The following RAB20 variants were observed in gnomAD, a reference collection of about 807,000 sequenced individuals.
RAB20 encodes RAB20, member RAS oncogene family.
In RAB20, 2 loss-of-function variants were observed where a neutral mutation model predicts 3.7. The ratio of observed to expected loss-of-function variants is 0.54; its 90% CI spans 0.22 to 1.69. The LOEUF (loss-of-function observed/expected upper bound fraction) is 1.69, where lower values mean the gene tolerates loss of function less well. RAB20 is among the 40% of genes most tolerant of loss of function. The pLI, the probability that RAB20 is intolerant of heterozygous loss-of-function variation, is 0.19. For synonymous variants in RAB20, 126 were observed against 130.8 expected, an observed-to-expected ratio of 0.96 and a Z score of 0.25; for missense variants, 276 against 311.9, an observed-to-expected ratio of 0.88 and a Z score of 0.87.
At chr13:110,552,676 G>A (rs538796249) in intron 1 of RAB20, among the ~76,000 whole-genome samples, 2 of 143,860 alleles carry the variant, frequency 1.4e-5, no homozygotes, top group African/African-American at 2.9e-5. Context: ...CTGGGGGACA[G>A]AGTGAGACTC....
Position 110,561,153 on chromosome 13 carries a change from C to T in RAB20, c.172+195G>A, listed in dbSNP as rs539579616. Reference sequence around the variant, plus strand: ...GGGTTCTCTGCAACTTGGGTTGTCCCTGAGGTCACTGAGTGGCTGAGAGGC... The same window carrying T: ...GGGTTCTCTGCAACTTGGGTTGTCCTTGAGGTCACTGAGTGGCTGAGAGGC... On this transcript the variant is annotated intron_variant, in intron 1 of 1. Transcript: ENST00000267328. Among the ~76,000 whole-genome samples, 16 of 152,308 alleles carry T rather than the reference C, an allele frequency of 1.1e-4. No homozygotes were observed. The East Asian group carries it at 1.7e-3, about 17-fold the overall frequency.
Position 110,555,635 on chromosome 13 carries a change from G to C in RAB20, c.172+5713C>G, listed in dbSNP as rs889353823. On this transcript the variant is annotated intron_variant, in intron 1 of 1. Transcript: ENST00000267328. This position sits in a 1 kb window ranked among gnomAD's most constrained non-coding sequence, Gnocchi z 4.0. ...CTGTTTCCTCGCAGCTTGGGCAGAG[G>C]ACGCCACGGAAGCGCAAACGTGAAT... Among the ~76,000 whole-genome samples the C allele has an allele frequency of 6.6e-6, 1 of 152,222 alleles. No individual in the cohort carries two copies. Among genetic ancestry groups the C allele is most frequent in the Non-Finnish European group, 1.5e-5 (1 of 68,042 alleles).
intron 1 of RAB20, among the ~76,000 whole-genome samples, chr13:110,539,078 G>A (rs184412630): frequency 1.3e-5 from 2 of 152,284 alleles, no homozygotes; most frequent in East Asian, 1.9e-4. Context: ...GAAAGGAGGC[G>A]ATTAGGTGAC....
At chr13:110,553,332 C>T (rs1050000278) in intron 1 of RAB20, among the ~76,000 whole-genome samples, 2 of 152,248 alleles carry the variant, frequency 1.3e-5, no homozygotes, top group African/African-American at 4.8e-5. Context: ...AACTTGAGAG[C>T]TGCTTGTTGA....
chr13:110,536,783 AT>A (rs35700829), intron 1 of RAB20, among the ~76,000 whole-genome samples: 116,790 of 128,626 alleles, frequency 0.91, 53,091 homozygotes, highest in South Asian at 0.95. Flanking sequence ...TTTAATGGGA[AT>A]TTTTTTTTTA....
At chr13:110,531,624 T>C (rs1884542614) in intron 1 of RAB20, among the ~76,000 whole-genome samples, 1 of 152,204 alleles carries the variant, frequency 6.6e-6, no homozygotes, top group South Asian at 2.1e-4. Context: ...CCCAGCACAT[T>C]AGGCCCTGTA....
intron 1 of RAB20, among the ~76,000 whole-genome samples, chr13:110,544,653 C>T (rs912656480): frequency 5.3e-5 from 8 of 152,168 alleles, no homozygotes; most frequent in African/African-American, 9.7e-5. Flanking sequence ...AGACGTGTGG[C>T]GCAGACAGAC....
At chr13:110,531,644 C>T (rs955807647) in intron 1 of RAB20, among the ~76,000 whole-genome samples, 19 of 152,194 alleles carry the variant, frequency 1.2e-4, no homozygotes, top group African/African-American at 4.6e-4. Context: ...AATAGAAGTG[C>T]TTGTTCCATA....
intron 1 of RAB20, among the ~76,000 whole-genome samples, chr13:110,548,544 C>T (rs76012374): frequency 1.2e-3 from 171 of 143,300 alleles, no homozygotes; most frequent in Middle Eastern, 3.6e-3. Flanking sequence ...AATTCAGTCT[C>T]ACCTGCCTCC....
intron 1 of RAB20, among the ~76,000 whole-genome samples, chr13:110,546,176 T>C (rs1884846570): frequency 6.6e-6 from 1 of 152,178 alleles, no homozygotes; most frequent in African/African-American, 2.4e-5. Flanking sequence ...AGAAAGAAGA[T>C]GACATTGCAT....
chr13:110,539,979 T>C lies in RAB20; in HGVS notation c.173-15782A>G, dbSNP rs114844285. 9.5e-3 allele frequency among the ~76,000 whole-genome samples: 1,448 copies of C among 152,346 alleles called. 26 individuals carry two copies. The highest frequency in any genetic ancestry group is 0.033 in the African/African-American group (1,383 of 41,572). On this transcript the variant is annotated intron_variant, in intron 1 of 1. Coordinates refer to ENST00000267328, the MANE Select transcript of RAB20 (RefSeq NM_017817.3). ...ACGCCACATGAACCACTCACATCAC[T>C]AACTGCAGGTAGAGTAGTTCCACCT...
At position 110,523,726 on chromosome 13, in the gene RAB20, T is replaced by G; in HGVS notation, c.644A>C (p.His215Pro). The G allele has an allele frequency of 6.2e-7, 1 of 1,614,178 alleles. No individual in the cohort carries two copies. Among genetic ancestry groups the G allele is most frequent in the African/African-American group, 1.3e-5 (1 of 75,028 alleles). The change falls in exon 2 of 2, where the codon CAC becomes CCC. Residue 215 changes from histidine to proline, a missense_variant. Physicochemically the swap from His to Pro is moderately conservative, Grantham distance 77. Coordinates refer to ENST00000267328, the MANE Select transcript of RAB20 (RefSeq NM_017817.3). ...CTTATGACTGGATATATCCACTGTG[T>G]GTGACGGCCTCTCAGCTCTCTGCTG... ...ILQQRAERPS[H>P]TVDISSHKPP... is the part of the protein sequence containing the mutation.
At chr13:110,560,459 G>GTA (rs1367418669) in intron 1 of RAB20, among the ~76,000 whole-genome samples, 1 of 152,102 alleles carries the variant, frequency 6.6e-6, no homozygotes, top group South Asian at 2.1e-4. Flanking sequence ...GGGCCTTTGG[G>GTA]TATATGACTT....
chr13:110,552,109 T>C (rs560729546), intron 1 of RAB20, among the ~76,000 whole-genome samples: 1 of 152,152 alleles, frequency 6.6e-6, no homozygotes, highest in Admixed American at 6.5e-5. Context: ...ACGGGCGCGG[T>C]AGCTCACGCC....
At chr13:110,538,737 C>T (rs569271229) in intron 1 of RAB20, among the ~76,000 whole-genome samples, 7 of 152,220 alleles carry the variant, frequency 4.6e-5, no homozygotes, top group Admixed American at 1.3e-4. Context: ...TCCCTGGGGA[C>T]GGCTGTTTCC....
At chr13:110,557,451 C>A (rs76400713) in intron 1 of RAB20, among the ~76,000 whole-genome samples, 1 of 152,202 alleles carries the variant, frequency 6.6e-6, no homozygotes, top group African/African-American at 2.4e-5. Flanking sequence ...GCCCACCATC[C>A]GGAACGCCTG....
rs577009020 is a variant in RAB20 at position 110,523,429 on chromosome 13, T to C, written c.*236A>G. ...GCACCAGGGGTCTCGACTCTGCAGA[T>C]TGGGCTTTGCAGAGGATTCCTGTTT... On this transcript the variant is annotated 3_prime_UTR_variant, in exon 2 of 2. Transcript: ENST00000267328. The C allele has an allele frequency of 1.5e-5, 12 of 808,172 alleles. No homozygotes were observed. Among genetic ancestry groups the C allele is most frequent in the Admixed American group, 6.0e-5 (2 of 33,196 alleles). 50.1% of individuals were successfully genotyped at this position (808,172 alleles called of 1,614,324 possible).
intron 1 of RAB20, among the ~76,000 whole-genome samples, chr13:110,528,733 G>A (rs543559461): frequency 2.0e-5 from 3 of 152,166 alleles, no homozygotes; most frequent in African/African-American, 7.2e-5. Flanking sequence ...AGATAAAAAT[G>A]CCTGATTTGC....
rs961983883 is a variant in RAB20, at chr13:110,537,690, C to T, written c.173-13493G>A. On this transcript the variant is annotated intron_variant, in intron 1 of 1. Coordinates refer to ENST00000267328, the MANE Select transcript of RAB20 (RefSeq NM_017817.3). ...TGACATTCCGGTTCCTAAAGTGAGTCCAGCCACTATTAACAGCTTTTAGAA... is the reference window on the plus strand; with the variant it reads ...TGACATTCCGGTTCCTAAAGTGAGTTCAGCCACTATTAACAGCTTTTAGAA... 2.0e-5 allele frequency among the ~76,000 whole-genome samples: 3 copies of T among 151,052 alleles called. No homozygotes were observed. The Admixed American group carries it at 2.0e-4, about 10-fold the overall frequency.
Sources: gnomAD v4.1 joint callset for allele counts (sites outside exome capture counted in the v4.1 genomes callset) on GRCh38, gnomAD v4.1.1 for gene constraint, Gnocchi (gnomAD v3.1) non-coding constraint, MANE v1.5 for transcripts, NCBI Gene and HGNC (gene_info 2026-07-23, HGNC 2026-07-21) for gene names.